The following EIF4A1 variants were observed in gnomAD, a reference collection of about 807,000 sequenced individuals.
EIF4A1 encodes the protein eukaryotic translation initiation factor 4A1, also known as eukaryotic initiation factor 4A-I.
In EIF4A1, 11 loss-of-function variants were observed where a neutral mutation model predicts 53.5. The observed-to-expected ratio is 0.21, with a 90% confidence interval of 0.13 to 0.34. EIF4A1 has a LOEUF of 0.34. Among genes scored for constraint, EIF4A1 ranks in the 10% least tolerant of loss-of-function variants. The pLI, the probability that EIF4A1 is intolerant of heterozygous loss-of-function variation, is 1.00. For synonymous variants in EIF4A1, 237 were observed against 186.7 expected (o/e 1.27, Z -2.20); for missense variants, 213 against 530.8 (o/e 0.40, Z 5.88).
intron 1 of EIF4A1, 92 bp from the exon 2 acceptor site, chr17:7,574,168 A>G (rs1368846100): frequency 1.4e-6 from 2 of 1,464,050 alleles, no homozygotes; most frequent in Non-Finnish European, 1.9e-6. Flanking sequence ...GATTGATGGC[A>G]TCATGCAGGC....
rs1049087078 is a variant in EIF4A1, at chr17:7,574,184, C to T, written c.24-76C>T. The stretch of plus-strand genomic sequence containing the variant: ...ATTGATGGCATCATGCAGGCCACTC[C>T]TGACAGAGCCCGGCTGTCAGGATTT... On this transcript the variant is annotated intron_variant, in intron 1 of 10. Coordinates refer to ENST00000293831, the MANE Select transcript of EIF4A1 (RefSeq NM_001416.4). 2.5e-6 allele frequency: 4 copies of T among 1,585,420 alleles called. No homozygotes were observed. The African/African-American group carries it at 5.4e-5, about 21-fold the overall frequency.
intron 1 of EIF4A1, chr17:7,573,137 C>T: frequency 1.7e-6 from 1 of 591,350 alleles, no homozygotes; most frequent in Non-Finnish European, 3.0e-6. Context: ...AGCCCCGGCG[C>T]TGAGTGGCGA....
rs749763109 is a variant in EIF4A1, at chr17:7,577,939, AAAGGCAG to A, written c.996+28_996+34del. The A allele has an allele frequency of 1.9e-6, 3 of 1,613,974 alleles. No individual in the cohort carries two copies. Among genetic ancestry groups the A allele is most frequent in the Non-Finnish European group, 2.5e-6 (3 of 1,179,814 alleles). On this transcript the variant is annotated intron_variant, in intron 9 of 10. Coordinates refer to ENST00000293831, the MANE Select transcript of EIF4A1 (RefSeq NM_001416.4). This position sits in a 1 kb window ranked among gnomAD's most constrained non-coding sequence, Gnocchi z 4.7. Reference sequence around the variant, plus strand: ...CTGGTGAGTAGAGGGAACTGATAGCAAAGGCAGAAGGGAGGATCCAAGGTGATTCCCT... The same window carrying A: ...CTGGTGAGTAGAGGGAACTGATAGCAAAGGGAGGATCCAAGGTGATTCCCT...
In EIF4A1 at chr17:7,574,674, C is replaced by G; in HGVS notation, c.201C>G (p.Ile67Met). The change falls in exon 3 of 11, where the codon ATC becomes ATG. Residue 67 changes from isoleucine to methionine, a missense_variant. By Grantham distance (10) the Ile-to-Met change is conservative. Transcript: ENST00000293831. Reference protein sequence around the residue: ...AIQQRAILPCIKGYDVIAQAQ... With the variant: ...AIQQRAILPCMKGYDVIAQAQ... ...AGCAGCGAGCCATTCTACCTTGTAT[C>G]AAGGGTGAGACCTCTCAGTCCCAGA... 1 of 1,612,458 alleles carries G rather than the reference C, an allele frequency of 6.2e-7. No individual in the cohort carries two copies. The highest frequency in any genetic ancestry group is 8.5e-7 in the Non-Finnish European group (1 of 1,180,032).
At chr17:7,574,420 C>G in intron 2 of EIF4A1, 112 bp downstream of exon 2, 1 of 1,604,918 alleles carries the variant, frequency 6.2e-7, no homozygotes, top group South Asian at 1.1e-5. Flanking sequence ...GCTGGTTTCC[C>G]TAAAGGGAGG....
At chr17:7,574,395 G>C in intron 2 of EIF4A1, 87 bp downstream of exon 2, 1 of 1,608,642 alleles carries the variant, frequency 6.2e-7, no homozygotes. Context: ...TGATTTCCCA[G>C]ATCATCTAGA....
At position 7,577,824 on chromosome 17, in the gene EIF4A1, C is replaced by T. The variant is rs1244321208; in HGVS notation, c.907-3C>T. 10 of 1,614,032 alleles carry T rather than the reference C, an allele frequency of 6.2e-6. No individual in the cohort carries two copies. Among genetic ancestry groups the T allele is most frequent in the Non-Finnish European group, 8.5e-6 (10 of 1,180,050 alleles). On this transcript the variant is annotated splice_polypyrimidine_tract_variant and splice_region_variant and intron_variant, in intron 8 of 10. Coordinates refer to ENST00000293831, the MANE Select transcript of EIF4A1 (RefSeq NM_001416.4). The surrounding 1 kb of genome is among the most constrained non-coding windows in gnomAD (Gnocchi z 4.7). ...TCTGCTGCATATTTGTTTTCTCTTC[C>T]AGCATGGAGATATGGACCAAAAGGA... is the stretch of plus-strand genomic sequence containing the variant.
chr17:7,577,391 C>A lies in EIF4A1; in HGVS notation c.672C>A (p.Thr224=). ...ATMPSDVLEV[T]KKFMRDPIRI... ...TGCCTTCTGATGTGCTTGAGGTGAC[C>A]AAGAAGTTCATGAGGGACCCCATTC... Residue 224 remains threonine, a synonymous_variant, in exon 7 of 11, where the codon ACC becomes ACA. Coordinates refer to ENST00000293831, the MANE Select transcript of EIF4A1 (RefSeq NM_001416.4). This position sits in a 1 kb window ranked among gnomAD's most constrained non-coding sequence, Gnocchi z 4.7. 1.2e-6 allele frequency: 2 copies of A among 1,614,012 alleles called. No homozygotes were observed. The highest frequency in any genetic ancestry group is 1.3e-5 in the African/African-American group (1 of 74,992).
chr17:7,572,852 G>A lies in EIF4A1; in HGVS notation c.11G>A (p.Ser4Asn), dbSNP rs768379368. ...TAGTTTCTAAGGATCATGTCTGCGA[G>A]CCAGGATTCCCGGTAAGAAAGGCAT... MSA[S>N]QDSRSRDNGP... Residue 4 changes from serine (S) to asparagine (N), a missense_variant, in exon 1 of 11, where the codon AGC (serine) becomes AAC (asparagine). This residue lies in a region of EIF4A1 where 53 missense variants were observed against 34.0 expected (regional missense o/e 1.56). Coordinates refer to ENST00000293831, the MANE Select transcript of EIF4A1 (RefSeq NM_001416.4). 7 of 1,614,070 alleles carry A rather than the reference G, an allele frequency of 4.3e-6. No individual in the cohort carries two copies. The highest frequency in any genetic ancestry group is 3.3e-5 in the Admixed American group (2 of 60,008).
chr17:7,574,133 G>C, intron 1 of EIF4A1, 127 bp from the exon 2 acceptor site: 1 of 1,052,362 alleles, frequency 9.5e-7, no homozygotes, highest in Non-Finnish European at 1.4e-6. Context: ...TTTGGGAGCT[G>C]GTGGGAGTTG....
Position 7,577,964 on chromosome 17 carries a change from G to A in EIF4A1, c.996+48G>A. On this transcript the variant is annotated intron_variant, in intron 9 of 10. Transcript: ENST00000293831. The surrounding 1 kb of genome is among the most constrained non-coding windows in gnomAD (Gnocchi z 4.7). ...AAAGGCAGAAGGGAGGATCCAAGGT[G>A]ATTCCCTCTCCAAGGGGACATCAGT... 6.2e-7 allele frequency: 1 copy of A among 1,608,644 alleles called. No individual in the cohort carries two copies. Among genetic ancestry groups the A allele is most frequent in the Non-Finnish European group, 8.5e-7 (1 of 1,175,010 alleles).
rs368852353 is a variant in EIF4A1, at chr17:7,577,181, C to T, written c.624+16C>T. The T allele has an allele frequency of 3.6e-5, 57 of 1,581,596 alleles. No homozygotes were observed. Among genetic ancestry groups the T allele is most frequent in the South Asian group, 3.0e-4 (26 of 85,298 alleles). On this transcript the variant is annotated intron_variant, in intron 6 of 10. Coordinates refer to ENST00000293831, the MANE Select transcript of EIF4A1 (RefSeq NM_001416.4). The surrounding 1 kb of genome is among the most constrained non-coding windows in gnomAD (Gnocchi z 4.7). The stretch of plus-strand genomic sequence containing the variant: ...CAACACCCAGGTGAGGGCAGTCTTG[C>T]TTGAATAGCTAATGATTCTTGAAAA...
chr17:7,576,963 GCTC>G, intron 5 of EIF4A1, 90 bp from the exon 6 acceptor site: 1 of 1,454,716 alleles, frequency 6.9e-7, no homozygotes, highest in African/African-American at 1.4e-5. Flanking sequence ...AGACTACTTG[GCTC>G]CTCTCTGTTT....
intron 1 of EIF4A1, 189 bp from the exon 2 acceptor site, chr17:7,574,071 C>A: frequency 1.5e-6 from 1 of 648,584 alleles, no homozygotes; most frequent in Non-Finnish European, 2.7e-6. Flanking sequence ...TGAGCCGCTG[C>A]CTGCATGGGG....
At position 7,577,716 on chromosome 17, in the gene EIF4A1, C is replaced by T. The variant is rs755089234; in HGVS notation, c.906+10C>T. ...CACTGTATCCGCCATGGTGTGTTTGCCCGCTGCCAGCCTGTTGTGGGTCTG... is the reference window on the plus strand; with the variant it reads ...CACTGTATCCGCCATGGTGTGTTTGTCCGCTGCCAGCCTGTTGTGGGTCTG... On this transcript the variant is annotated intron_variant, in intron 8 of 10. Transcript: ENST00000293831. The surrounding 1 kb of genome is among the most constrained non-coding windows in gnomAD (Gnocchi z 4.7). 1 of 1,613,420 alleles carries T rather than the reference C, an allele frequency of 6.2e-7. No individual in the cohort carries two copies. The highest frequency in any genetic ancestry group is 8.5e-7 in the Non-Finnish European group (1 of 1,179,942).
At chr17:7,575,625 C>G (rs141934149) in intron 4 of EIF4A1, 9 of 370,218 alleles carry the variant, frequency 2.4e-5, no homozygotes, top group African/African-American at 8.4e-5. Flanking sequence ...AGAGCTGTTT[C>G]ATGCCTGGGG....
At chr17:7,572,983 GGAGGGTCCGACTTGGAGGGGC>G (rs1229649096) in intron 1 of EIF4A1, 119 bp downstream of exon 1, 12 of 1,582,094 alleles carry the variant, frequency 7.6e-6, no homozygotes, top group Middle Eastern at 1.7e-4. Flanking sequence ...CCGGGTGGGG[GGAGGGTCCGACTTGGAGGGGC>G]GAGGGGGAAG....
intron 4 of EIF4A1, chr17:7,575,699 T>C: frequency 6.9e-6 from 2 of 290,054 alleles, no homozygotes; most frequent in Non-Finnish European, 1.4e-5. Flanking sequence ...TCAGAGCATG[T>C]TTTTAAATGT....
At chr17:7,573,325 C>T (rs1208136611) in intron 1 of EIF4A1, 1 of 223,758 alleles carries the variant, frequency 4.5e-6, no homozygotes, top group Non-Finnish European at 9.0e-6. Flanking sequence ...TAGATCCAGT[C>T]ACTTCGTCGC....
Sources: gnomAD v4.1 joint callset for allele counts on GRCh38, gnomAD v4.1.1 for gene constraint, gnomAD v4.1.1 regional missense constraint, Gnocchi (gnomAD v3.1) non-coding constraint, MANE v1.5 for transcripts, NCBI Gene and HGNC (gene_info 2026-07-23, HGNC 2026-07-21) for gene names.